Variants in CLSTN1 observed in about 807,000 individuals in gnomAD.
CLSTN1 encodes the protein calsyntenin-1.
CLSTN1 carries 28 observed loss-of-function variants against 108.3 expected under a neutral mutation model. The observed-to-expected ratio is 0.26, with a 90% confidence interval of 0.19 to 0.35. CLSTN1 has a LOEUF of 0.35. Ranked by LOEUF, CLSTN1 falls within the 10% of genes least tolerant of loss-of-function variation. The pLI is 1.00. For synonymous variants in CLSTN1, 524 were observed against 534.9 expected (o/e 0.98, Z 0.28); for missense variants, 1,157 against 1,302.6 (o/e 0.89, Z 1.72).
In CLSTN1 at chr1:9,733,147, C is replaced by T. The variant is rs1032275562; in HGVS notation, c.2427+254G>A. Among the ~76,000 whole-genome samples the T allele has an allele frequency of 2.0e-5, 3 of 152,200 alleles. No individual in the cohort carries two copies. The South Asian group carries it at 6.2e-4, about 32-fold the overall frequency. ...CCTCCCTGCAAAGTTCCTTAGGCTC[C>T]AACTCAGGCTGAGGCAGCCAGGGAA... On this transcript the variant is annotated intron_variant, in intron 16 of 18. Transcript: ENST00000377298.
rs1275002263 is a variant in CLSTN1, at chr1:9,773,380, G to C, written c.106C>G (p.Pro36Ala). 1.2e-6 allele frequency: 2 copies of C among 1,611,502 alleles called. No individual in the cohort carries two copies. Among genetic ancestry groups the C allele is most frequent in the African/African-American group, 2.7e-5 (2 of 74,788 alleles). ...VWAARVNKHK[P>A]WLEPTYHGIV... ...CCGTGGTAGGTGGGCTCCAGCCAGGGCTTGTGCTTGTTAACTGTGTTTAAA... is the reference window on the plus strand; with the variant it reads ...CCGTGGTAGGTGGGCTCCAGCCAGGCCTTGTGCTTGTTAACTGTGTTTAAA... The change falls in exon 2 of 19, where the codon CCC becomes GCC. Residue 36 changes from proline to alanine, a missense_variant. Transcript: ENST00000377298.
intron 7 of CLSTN1, among the ~76,000 whole-genome samples, chr1:9,748,519 A>T (rs1290973357): frequency 6.6e-6 from 1 of 152,094 alleles, no homozygotes; most frequent in Non-Finnish European, 1.5e-5. Flanking sequence ...ACAGGTTCTC[A>T]CTCTGTCATC....
chr1:9,730,772 C>T lies in CLSTN1; in HGVS notation c.2749-67G>A. On this transcript the variant is annotated intron_variant, in intron 18 of 18. Coordinates refer to ENST00000377298, the MANE Select transcript of CLSTN1 (RefSeq NM_001009566.3). The surrounding 1 kb of genome is among the most constrained non-coding windows in gnomAD (Gnocchi z 5.6). ...CACAGCCCCGTCACCTGGCATTCTC[C>T]TCTCGACAGCCACAGAGGAAGGAGA... 1 of 1,420,796 alleles carries T rather than the reference C, an allele frequency of 7.0e-7. No homozygotes were observed. The highest frequency in any genetic ancestry group is 9.6e-7 in the Non-Finnish European group (1 of 1,039,274). The allele number at this position is 1,420,796 out of a possible 1,614,324, so 88.0% of individuals were successfully genotyped here. A position where few individuals can be genotyped will look rare whatever the true frequency, so the allele number is the denominator to read the frequency against.
intron 1 of CLSTN1, among the ~76,000 whole-genome samples, chr1:9,777,800 T>C (rs1653029715): frequency 1.3e-5 from 2 of 152,144 alleles, no homozygotes; most frequent in African/African-American, 4.8e-5. Context: ...AATGCCACAG[T>C]GCAGCCTAAG....
chr1:9,773,653 G>GA (rs879766696), intron 1 of CLSTN1, among the ~76,000 whole-genome samples: 166 of 150,214 alleles, frequency 1.1e-3, no homozygotes, highest in Non-Finnish European at 1.9e-3. Context: ...GAAATCAAGG[G>GA]AAAAAAAAAG....
chr1:9,783,700 A>G (rs907670341), intron 1 of CLSTN1, among the ~76,000 whole-genome samples: 1 of 149,114 alleles, frequency 6.7e-6, no homozygotes, highest in Non-Finnish European at 1.5e-5. Context: ...CACTAAAAAA[A>G]TACAAAAATT....
At chr1:9,786,760 C>T (rs901880663) in intron 1 of CLSTN1, among the ~76,000 whole-genome samples, 8 of 151,134 alleles carry the variant, frequency 5.3e-5, no homozygotes, top group Admixed American at 2.0e-4. Context: ...CGCCACCAGG[C>T]GGTCTATGGC....
chr1:9,786,392 A>T lies in CLSTN1; in HGVS notation c.92-12998T>A, dbSNP rs544870295. 2.0e-5 allele frequency among the ~76,000 whole-genome samples: 3 copies of T among 152,244 alleles called. No individual in the cohort carries two copies. In the South Asian group the frequency reaches 6.2e-4, roughly 32 times the overall value. On this transcript the variant is annotated intron_variant, in intron 1 of 18. Transcript: ENST00000377298. ...CGCGGTGGCTCATGCCTGTAATCCCAGCACTTTGGGAGGCCGAGGCAGGCT... is the reference window on the plus strand; with the variant it reads ...CGCGGTGGCTCATGCCTGTAATCCCTGCACTTTGGGAGGCCGAGGCAGGCT...
At chr1:9,804,210 A>C (rs1409716771) in intron 1 of CLSTN1, among the ~76,000 whole-genome samples, 1 of 151,916 alleles carries the variant, frequency 6.6e-6, no homozygotes, top group East Asian at 1.9e-4. Context: ...AAAATACAAA[A>C]AAATTAGCCG....
chr1:9,754,940 G>A (rs957128459), intron 4 of CLSTN1, among the ~76,000 whole-genome samples, 174 bp downstream of exon 4: 2 of 152,186 alleles, frequency 1.3e-5, no homozygotes, highest in African/African-American at 4.8e-5. Flanking sequence ...CAAGGGTAGA[G>A]AGACATGATT....
chr1:9,817,591 G>C (rs1274713218), intron 1 of CLSTN1, among the ~76,000 whole-genome samples: 2 of 152,130 alleles, frequency 1.3e-5, no homozygotes, highest in Non-Finnish European at 2.9e-5. Flanking sequence ...GCCTCCCAAA[G>C]TGCTGGGATT....
At position 9,731,134 on chromosome 1, in the gene CLSTN1, C is replaced by T. The variant is rs772254091; in HGVS notation, c.2748+72G>A. On this transcript the variant is annotated intron_variant, in intron 18 of 18. Coordinates refer to ENST00000377298, the MANE Select transcript of CLSTN1 (RefSeq NM_001009566.3). Reference sequence around the variant, plus strand: ...AAAGCATGTGAACCTGAAGGAGCCGCGCCGTACCGGCTTCTCGGAGGCCCT... The same window carrying T: ...AAAGCATGTGAACCTGAAGGAGCCGTGCCGTACCGGCTTCTCGGAGGCCCT... 57 of 1,570,590 alleles carry T rather than the reference C, an allele frequency of 3.6e-5. No individual in the cohort carries two copies. The East Asian group carries it at 5.2e-4, about 14-fold the overall frequency.
At chr1:9,758,380 C>G (rs183822084) in intron 2 of CLSTN1, among the ~76,000 whole-genome samples, 32 of 152,168 alleles carry the variant, frequency 2.1e-4, no homozygotes, top group African/African-American at 7.0e-4. Context: ...GTGGTAGCAT[C>G]TCAGCTCACT....
intron 15 of CLSTN1, 68 bp downstream of exon 15, chr1:9,733,904 C>T (rs760363047): frequency 1.1e-5 from 16 of 1,484,900 alleles, no homozygotes; most frequent in Non-Finnish European, 1.2e-5. Context: ...AGGCAGCAGC[C>T]AGCCAAGAGC....
At position 9,789,450 on chromosome 1, in the gene CLSTN1, C is replaced by G. The variant is rs185085870; in HGVS notation, c.92-16056G>C. ...GTATTGTGTAAAATTGATAAGATAC[C>G]AAAGTAGACAACAGAGAGTAAGAAG... On this transcript the variant is annotated intron_variant, in intron 1 of 18. Coordinates refer to ENST00000377298, the MANE Select transcript of CLSTN1 (RefSeq NM_001009566.3). Among the ~76,000 whole-genome samples the G allele has an allele frequency of 1.3e-4, 19 of 151,350 alleles. No individual in the cohort carries two copies. In the East Asian group the frequency reaches 3.8e-3, roughly 30 times the overall value.
At chr1:9,751,020 G>A (rs1438071335) in intron 5 of CLSTN1, among the ~76,000 whole-genome samples, 4 of 151,666 alleles carry the variant, frequency 2.6e-5, no homozygotes, top group African/African-American at 9.7e-5. Context: ...AGCTGAGATC[G>A]CACCACTGTA....
At chr1:9,820,345 C>A (rs902938286) in intron 1 of CLSTN1, among the ~76,000 whole-genome samples, 3 of 151,984 alleles carry the variant, frequency 2.0e-5, no homozygotes, top group South Asian at 4.1e-4. Context: ...ATGGTGAAAC[C>A]CTGTCTCTAC....
chr1:9,771,804 CTG>C (rs947612455), intron 2 of CLSTN1, among the ~76,000 whole-genome samples: 2 of 152,142 alleles, frequency 1.3e-5, no homozygotes, highest in Non-Finnish European at 2.9e-5. Flanking sequence ...TCACGGGTGA[CTG>C]TGCTGAAAAT....
At chr1:9,808,113 G>A (rs939586175) in intron 1 of CLSTN1, among the ~76,000 whole-genome samples, 10 of 152,156 alleles carry the variant, frequency 6.6e-5, no homozygotes, top group African/African-American at 2.2e-4. Context: ...GTTCCAGGAC[G>A]CCAGTCTACA....
Sources: gnomAD v4.1 joint callset for allele counts (sites outside exome capture counted in the v4.1 genomes callset) on GRCh38, gnomAD v4.1.1 for gene constraint, Gnocchi (gnomAD v3.1) non-coding constraint, MANE v1.5 for transcripts, NCBI Gene and HGNC (gene_info 2026-07-23, HGNC 2026-07-21) for gene names.